The following NKAIN2 variants were observed in gnomAD, a reference collection of about 807,000 sequenced individuals.
NKAIN2 encodes sodium/potassium-transporting ATPase subunit beta-1-interacting protein 2.
NKAIN2 carries 14 observed loss-of-function variants against 32.6 expected under a neutral mutation model. The observed-to-expected ratio is 0.43, with a 90% CI of 0.28 to 0.67. NKAIN2 has a LOEUF of 0.67. Ranked by LOEUF, NKAIN2 falls within the 30% of genes least tolerant of loss-of-function variation. The pLI, the probability that NKAIN2 is intolerant of heterozygous loss-of-function variation, is 0.17. For synonymous variants in NKAIN2, 80 were observed against 87.2 expected (o/e 0.92, Z 0.46); for missense variants, 198 against 258.3 (o/e 0.77, Z 1.60).
intron 3 of NKAIN2, among the ~76,000 whole-genome samples, chr6:124,532,662 G>A (rs1779567562): frequency 6.6e-6 from 1 of 152,182 alleles, no homozygotes; most frequent in Non-Finnish European, 1.5e-5. Flanking sequence ...TTTCCATGTA[G>A]ACTCCCAGAT....
intron 1 of NKAIN2, among the ~76,000 whole-genome samples, chr6:124,235,813 G>A (rs775955541): frequency 2.0e-5 from 3 of 152,002 alleles, no homozygotes; most frequent in Non-Finnish European, 2.9e-5. Context: ...TGGCCAGGCT[G>A]TTCTCAAACT....
At chr6:124,130,415 C>A (rs1013106447) in intron 1 of NKAIN2, among the ~76,000 whole-genome samples, 2 of 152,066 alleles carry the variant, frequency 1.3e-5, no homozygotes, top group Non-Finnish European at 2.9e-5. Flanking sequence ...ACAACATCTG[C>A]CCCTAATTAA....
chr6:124,766,208 A>T (rs1778507195), intron 4 of NKAIN2, among the ~76,000 whole-genome samples: 1 of 152,214 alleles, frequency 6.6e-6, no homozygotes, highest in African/African-American at 2.4e-5. Flanking sequence ...CTCAAGCTCT[A>T]GACTTATAGG....
chr6:124,085,861 A>T (rs1213812769), intron 1 of NKAIN2, among the ~76,000 whole-genome samples: 1 of 151,952 alleles, frequency 6.6e-6, no homozygotes, highest in African/African-American at 2.4e-5. Context: ...CAGTAATTTT[A>T]GAAATCTCTT....
chr6:124,221,471 G>T (rs1442876458), intron 1 of NKAIN2, among the ~76,000 whole-genome samples: 1 of 151,620 alleles, frequency 6.6e-6, no homozygotes, highest in Non-Finnish European at 1.5e-5. Flanking sequence ...ACAAGTTAGT[G>T]GGTGCAGCGC....
intron 1 of NKAIN2, among the ~76,000 whole-genome samples, chr6:124,206,157 C>A (rs1158688159): frequency 1.3e-5 from 2 of 151,874 alleles, no homozygotes; most frequent in Admixed American, 6.6e-5. Context: ...TCAAGTGTAG[C>A]CATCAAGTGT....
At chr6:123,905,251 C>T (rs1774807767) in intron 1 of NKAIN2, among the ~76,000 whole-genome samples, 2 of 151,816 alleles carry the variant, frequency 1.3e-5, no homozygotes, top group Admixed American at 1.3e-4. Flanking sequence ...AAACGAACTC[C>T]CTTGTCCCTC....
intron 2 of NKAIN2, among the ~76,000 whole-genome samples, chr6:124,334,438 T>A (rs1297002768): frequency 6.6e-6 from 1 of 151,974 alleles, no homozygotes; most frequent in Non-Finnish European, 1.5e-5. Context: ...CTTCGAAAAT[T>A]TGGAGACTAA....
chr6:124,763,345 A>G (rs1290324523), intron 4 of NKAIN2, among the ~76,000 whole-genome samples: 3 of 152,248 alleles, frequency 2.0e-5, no homozygotes, highest in Non-Finnish European at 2.9e-5. Flanking sequence ...CACAGGAAGC[A>G]TAGCAGCTTC....
intron 1 of NKAIN2, among the ~76,000 whole-genome samples, chr6:123,902,317 A>T (rs938527338): frequency 6.6e-6 from 1 of 152,172 alleles, no homozygotes; most frequent in Non-Finnish European, 1.5e-5. Flanking sequence ...TTTTGTATTT[A>T]TACAGGTTTA....
intron 1 of NKAIN2, among the ~76,000 whole-genome samples, chr6:123,848,816 T>C (rs1331302637): frequency 6.6e-6 from 1 of 152,170 alleles, no homozygotes; most frequent in East Asian, 1.9e-4. Flanking sequence ...ATATATTTCA[T>C]ACCAGCATTC....
At chr6:124,431,142 C>T (rs1295128562) in intron 3 of NKAIN2, among the ~76,000 whole-genome samples, 1 of 152,192 alleles carries the variant, frequency 6.6e-6, no homozygotes, top group African/African-American at 2.4e-5. Context: ...GATGCCCATT[C>T]TGACACTCTG....
chr6:124,521,034 T>A (rs1442677449), intron 3 of NKAIN2, among the ~76,000 whole-genome samples: 1 of 152,218 alleles, frequency 6.6e-6, no homozygotes, highest in African/African-American at 2.4e-5. Context: ...TTGTTGTTGT[T>A]GGCAGACCCT....
intron 5 of NKAIN2, among the ~76,000 whole-genome samples, chr6:124,796,378 G>A (rs1779998595): frequency 6.6e-6 from 1 of 152,094 alleles, no homozygotes; most frequent in Admixed American, 6.5e-5. Flanking sequence ...ATATAGTCAG[G>A]CATATTAGGA....
intron 2 of NKAIN2, 113 bp downstream of exon 2, chr6:124,283,255 C>G: frequency 1.5e-6 from 1 of 662,636 alleles, no homozygotes; most frequent in Non-Finnish European, 2.6e-6. Context: ...TGGATACTCT[C>G]TTTTAAGTAC....
intron 4 of NKAIN2, among the ~76,000 whole-genome samples, chr6:124,670,680 T>TGTGTGTGTG (rs1554248182): frequency 1.1e-4 from 17 of 151,198 alleles, no homozygotes; most frequent in Non-Finnish European, 2.1e-4. Flanking sequence ...TGTGTGTGTG[T>TGTGTGTGTG]TGCATAATAG....
intron 3 of NKAIN2, among the ~76,000 whole-genome samples, chr6:124,512,411 G>A (rs1778748321): frequency 6.6e-6 from 1 of 152,098 alleles, no homozygotes; most frequent in Non-Finnish European, 1.5e-5. Flanking sequence ...AAATGTAAAA[G>A]GAGGAAGGAA....
chr6:124,330,115 C>T (rs1797595603), intron 2 of NKAIN2, among the ~76,000 whole-genome samples: 1 of 152,168 alleles, frequency 6.6e-6, no homozygotes, highest in Non-Finnish European at 1.5e-5. Flanking sequence ...CTAAATGTGC[C>T]ATCCCAATTC....
In NKAIN2 at chr6:124,172,695, T is replaced by A. The variant is rs182766031; in HGVS notation, c.55-110310T>A. Among the ~76,000 whole-genome samples the A allele has an allele frequency of 7.2e-5, 11 of 152,310 alleles. No homozygotes were observed. The East Asian group carries it at 2.1e-3, about 29-fold the overall frequency. ...AACTTATGGAATCATTACTTCTTTT[T>A]GTTTTACTACATTAAATTCACCTTA... On this transcript the variant is annotated intron_variant, in intron 1 of 6. Coordinates refer to ENST00000368417, the MANE Select transcript of NKAIN2 (RefSeq NM_001040214.3).
Sources: gnomAD v4.1 joint callset for allele counts (sites outside exome capture counted in the v4.1 genomes callset) on GRCh38, gnomAD v4.1.1 for gene constraint, MANE v1.5 for transcripts, NCBI Gene and HGNC (gene_info 2026-07-23, HGNC 2026-07-21) for gene names.